SLC24A2: variants seen among roughly 807,000 people sequenced by gnomAD.
SLC24A2 encodes the protein solute carrier family 24 member 2.
Under a neutral mutation model 62.0 loss-of-function variants are expected in SLC24A2, and 36 were observed. That is an observed-to-expected ratio of 0.58 (90% CI 0.44 to 0.77). SLC24A2 has a LOEUF of 0.77. Among genes scored for constraint, SLC24A2 ranks in the 30% least tolerant of loss-of-function variants. SLC24A2 has a pLI of 0.00. For missense variants in SLC24A2, 846 were observed against 817.9 expected, an observed-to-expected ratio of 1.03 and a Z score of -0.42; for synonymous variants, 358 against 294.0, an observed-to-expected ratio of 1.22 and a Z score of -2.23.
chr9:19,824,606 G>C, the SLC24A2 span, among the ~76,000 whole-genome samples: 1 of 152,202 alleles, frequency 6.6e-6, no homozygotes, highest in African/African-American at 2.4e-5. Context: ...GTGGAAGACA[G>C]TGTGGCGATT....
the SLC24A2 span, among the ~76,000 whole-genome samples, chr9:20,269,942 G>A: frequency 1.3e-5 from 2 of 152,160 alleles, no homozygotes; most frequent in Admixed American, 6.5e-5. Flanking sequence ...CAGTTCTGCA[G>A]GCTAGGAAGT....
At chr9:19,875,738 T>C in the SLC24A2 span, among the ~76,000 whole-genome samples, 9 of 152,218 alleles carry the variant, frequency 5.9e-5, no homozygotes, top group Non-Finnish European at 1.3e-4. Context: ...TCCAGTTGCA[T>C]ATTGAAAGGA....
At chr9:20,026,341 A>C in the SLC24A2 span, among the ~76,000 whole-genome samples, 1 of 152,222 alleles carries the variant, frequency 6.6e-6, no homozygotes, top group Non-Finnish European at 1.5e-5. Context: ...ATCAGTCTGC[A>C]ATTAAATAAG....
upstream of SLC24A2, among the ~76,000 whole-genome samples, chr9:19,791,000 T>A (rs1306871413): frequency 6.6e-6 from 1 of 152,160 alleles, no homozygotes; most frequent in Admixed American, 6.5e-5. Context: ...AGTCCATAGA[T>A]TGTATTGGCT....
At chr9:20,211,135 A>G in the SLC24A2 span, among the ~76,000 whole-genome samples, 1 of 152,156 alleles carries the variant, frequency 6.6e-6, no homozygotes, top group Non-Finnish European at 1.5e-5. Flanking sequence ...CAAAGTTTGA[A>G]TAAGCATTTG....
At chr9:19,715,864 C>T (rs1048348522) in intron 2 of SLC24A2, among the ~76,000 whole-genome samples, 1 of 152,210 alleles carries the variant, frequency 6.6e-6, no homozygotes, top group Non-Finnish European at 1.5e-5. Flanking sequence ...TTCTAATTTG[C>T]TCTTCCAAAC....
the SLC24A2 span, among the ~76,000 whole-genome samples, chr9:20,015,125 C>A: frequency 6.6e-6 from 1 of 152,278 alleles, no homozygotes. Context: ...CACTGGGGAA[C>A]CCTCAATCTC....
intron 2 of SLC24A2, among the ~76,000 whole-genome samples, chr9:19,699,312 C>A (rs1820288250): frequency 6.6e-6 from 1 of 152,128 alleles, no homozygotes; most frequent in Non-Finnish European, 1.5e-5. Context: ...TTGTTTCTAC[C>A]TATCCATCTT....
At chr9:19,979,526 C>T in the SLC24A2 span, among the ~76,000 whole-genome samples, 16 of 152,170 alleles carry the variant, frequency 1.1e-4, no homozygotes, top group Non-Finnish European at 2.1e-4. Flanking sequence ...TATAGACATA[C>T]ACGCTTTTTA....
the SLC24A2 span, among the ~76,000 whole-genome samples, chr9:19,816,157 T>C: frequency 6.6e-6 from 1 of 152,038 alleles, no homozygotes; most frequent in African/African-American, 2.4e-5. Flanking sequence ...CTTTCTTTCC[T>C]TCTTTGCATA....
intron 2 of SLC24A2, among the ~76,000 whole-genome samples, chr9:19,630,005 G>A (rs534998311): frequency 9.3e-4 from 142 of 152,260 alleles, no homozygotes; most frequent in Middle Eastern, 3.4e-3. Context: ...TGGCAAAAAT[G>A]TCTGTCCTTA....
chr9:19,632,419 G>A lies in SLC24A2; in HGVS notation c.931-10120C>T, dbSNP rs1818202586. The stretch of plus-strand genomic sequence containing the variant: ...TTTTTCTAGGTGCAGGGATAAAACA[G>A]TGACCAAAATAGCCCAAATCCTTGC... On this transcript the variant is annotated intron_variant, in intron 2 of 10. Transcript: ENST00000341998. This position sits in a 1 kb window ranked among gnomAD's most constrained non-coding sequence, Gnocchi z 4.5. Among the ~76,000 whole-genome samples, 1 of 152,146 alleles carries A rather than the reference G, an allele frequency of 6.6e-6. No homozygotes were observed. The highest frequency in any genetic ancestry group is 2.1e-4 in the South Asian group (1 of 4,818).
chr9:19,729,195 C>G (rs1434508920), intron 2 of SLC24A2, among the ~76,000 whole-genome samples: 1 of 152,104 alleles, frequency 6.6e-6, no homozygotes, highest in Admixed American at 6.6e-5. Context: ...TATCATTTCA[C>G]CCCAGTTAGG....
chr9:19,590,497 C>G (rs922192983), intron 5 of SLC24A2, among the ~76,000 whole-genome samples: 1 of 152,196 alleles, frequency 6.6e-6, no homozygotes, highest in Non-Finnish European at 1.5e-5. Context: ...CTTATTACTT[C>G]TAGCCCACTT....
At chr9:20,018,733 G>C in the SLC24A2 span, among the ~76,000 whole-genome samples, 1 of 151,906 alleles carries the variant, frequency 6.6e-6, no homozygotes, top group Non-Finnish European at 1.5e-5. Context: ...CCCTGATTGA[G>C]GTAGGTATTA....
chr9:19,672,635 T>G (rs1380245408), intron 2 of SLC24A2, among the ~76,000 whole-genome samples: 1 of 146,606 alleles, frequency 6.8e-6, no homozygotes, highest in Non-Finnish European at 1.5e-5. Context: ...TTACATTGTC[T>G]ATTTGTGCTT....
At chr9:19,636,314 CTTTT>C (rs760636319) in intron 2 of SLC24A2, among the ~76,000 whole-genome samples, 2,121 of 19,578 alleles carry the variant, frequency 0.11, 143 homozygotes, top group African/African-American at 0.16. Context: ...CTTTTCTTTT[CTTTT>C]CTTTCTTTCT....
chr9:19,883,774 C>T, the SLC24A2 span, among the ~76,000 whole-genome samples: 1 of 152,100 alleles, frequency 6.6e-6, no homozygotes, highest in Non-Finnish European at 1.5e-5. Flanking sequence ...ACTGTGTTAG[C>T]CAGGATGGTC....
rs1231507740 is a variant in SLC24A2 at position 19,513,188 on chromosome 9, A to ATATATATATATG, written c.*2964_*2965insCATATATATATA. 363 of 140,192 alleles carry ATATATATATATG rather than the reference A, an allele frequency of 2.6e-3. 1 individual carries two copies. The highest frequency in any genetic ancestry group is 4.4e-3 in the Non-Finnish European group (291 of 65,614). The allele number at this position is 140,192 out of a possible 1,614,324, so 8.7% of individuals were successfully genotyped here. A position where few individuals can be genotyped will look rare whatever the true frequency, so the allele number is the denominator to read the frequency against. On this transcript the variant is annotated 3_prime_UTR_variant, in exon 11 of 11. Transcript: ENST00000341998. The stretch of plus-strand genomic sequence containing the variant: ...TATATATATATATGTATATATATAT[A>ATATATATATATG]TATGTATATATTTATATATGTATAT...
Sources: gnomAD v4.1 joint callset for allele counts (sites outside exome capture counted in the v4.1 genomes callset) on GRCh38, gnomAD v4.1.1 for gene constraint, Gnocchi (gnomAD v3.1) non-coding constraint, MANE v1.5 for transcripts, NCBI Gene and HGNC (gene_info 2026-07-23, HGNC 2026-07-21) for gene names.